CIPC: variants seen among roughly 807,000 people sequenced by gnomAD.
CIPC encodes CLOCK interacting pacemaker.
In CIPC, 12 loss-of-function variants were observed where a neutral mutation model predicts 26.7. The ratio of observed to expected loss-of-function variants is 0.45; its 90% CI spans 0.29 to 0.73. The LOEUF (loss-of-function observed/expected upper bound fraction) is 0.73. Among genes scored for constraint, CIPC ranks in the 30% least tolerant of loss-of-function variants. CIPC has a pLI of 0.12. For synonymous variants in CIPC, 170 were observed against 189.8 expected, an observed-to-expected ratio of 0.90 and a Z score of 0.86; for missense variants, 417 against 486.5, an observed-to-expected ratio of 0.86 and a Z score of 1.34.
chr14:77,109,191 C>G (rs945815261), intron 2 of CIPC, among the ~76,000 whole-genome samples: 1 of 152,150 alleles, frequency 6.6e-6, no homozygotes, highest in South Asian at 2.1e-4. Flanking sequence ...ATACACCTAC[C>G]ATGGAACCAG....
chr14:77,113,245 G>A, intron 3 of CIPC, 180 bp from the exon 4 acceptor site: 1 of 699,004 alleles, frequency 1.4e-6, no homozygotes, highest in Non-Finnish European at 2.5e-6. Flanking sequence ...CTTAGAAAAA[G>A]TTTAAAAAGT....
intron 1 of CIPC, among the ~76,000 whole-genome samples, chr14:77,102,762 G>A (rs575828400): frequency 2.9e-4 from 44 of 152,264 alleles, no homozygotes; most frequent in African/African-American, 9.9e-4. Flanking sequence ...TAAATCAACA[G>A]CCTGGTCCGA....
Position 77,114,441 on chromosome 14 carries a change from C to T in CIPC, c.*123C>T. 5 of 1,082,078 alleles carry T rather than the reference C, an allele frequency of 4.6e-6. No homozygotes were observed. Among genetic ancestry groups the T allele is most frequent in the Non-Finnish European group, 5.3e-6 (4 of 748,712 alleles). 67.0% of individuals were successfully genotyped at this position (1,082,078 alleles called of 1,614,324 possible). A position where few individuals can be genotyped will look rare whatever the true frequency, so the allele number is the denominator to read the frequency against. On this transcript the variant is annotated 3_prime_UTR_variant, in exon 4 of 4. Coordinates refer to ENST00000361786, the MANE Select transcript of CIPC (RefSeq NM_033426.3). ...TAAACTTAAACTGTGTTGTGGTTCACTTAGGAAGCCACGTGCCAATACCTG... is the reference window on the plus strand; with the variant it reads ...TAAACTTAAACTGTGTTGTGGTTCATTTAGGAAGCCACGTGCCAATACCTG...
Position 77,115,026 on chromosome 14 carries a change from T to G in CIPC, c.*708T>G, listed in dbSNP as rs1886782736. ...AGGTATGGAATGAATGCAGTACATC[T>G]GGAATTGTAGTCGATGAATTGCTTT... On this transcript the variant is annotated 3_prime_UTR_variant, in exon 4 of 4. Transcript: ENST00000361786. The G allele has an allele frequency of 6.6e-6, 1 of 152,252 alleles. No individual in the cohort carries two copies. 9.4% of individuals were successfully genotyped at this position (152,252 alleles called of 1,614,324 possible).
In CIPC at chr14:77,105,825, C is replaced by A; in HGVS notation, c.117C>A (p.Asp39Glu). ...RQLGMAAAES[D>E]KDSGFSDGSS... ...TTGGGATGGCTGCTGCTGAGTCAGA[C>A]AAGGACTCTGGCTTTTCAGGTTAAA... Residue 39 changes from aspartate to glutamate, a missense_variant, in exon 2 of 4, where the codon GAC becomes GAA. Asp to Glu is a conservative substitution (Grantham distance 45, BLOSUM62 2). Transcript: ENST00000361786. The A allele has an allele frequency of 6.2e-7, 1 of 1,614,122 alleles. No homozygotes were observed. Among genetic ancestry groups the A allele is most frequent in the South Asian group, 1.1e-5 (1 of 91,074 alleles).
intron 3 of CIPC, among the ~76,000 whole-genome samples, chr14:77,111,125 G>A (rs1333980372): frequency 6.6e-6 from 1 of 152,176 alleles, no homozygotes; most frequent in Non-Finnish European, 1.5e-5. Context: ...GCTTCTCCTG[G>A]GCTTCCTTTC....
chr14:77,114,471 C>A lies in CIPC; in HGVS notation c.*153C>A, dbSNP rs948158465. The A allele has an allele frequency of 8.0e-6, 6 of 751,666 alleles. No homozygotes were observed. Among genetic ancestry groups the A allele is most frequent in the Non-Finnish European group, 1.1e-5 (5 of 463,064 alleles). The allele number at this position is 751,666 out of a possible 1,614,324, so 46.6% of individuals were successfully genotyped here. A position where few individuals can be genotyped will look rare whatever the true frequency, so the allele number is the denominator to read the frequency against. ...GAAGCCACGTGCCAATACCTGGCTG[C>A]TGTCTTAACTCGTAGTCTGGGCACA... On this transcript the variant is annotated 3_prime_UTR_variant, in exon 4 of 4. Transcript: ENST00000361786.
intron 1 of CIPC, among the ~76,000 whole-genome samples, chr14:77,099,481 G>T (rs1886433846): frequency 1.3e-5 from 2 of 152,178 alleles, no homozygotes; most frequent in African/African-American, 4.8e-5. Context: ...CCCTGAATAT[G>T]CAGGCCAAAA....
chr14:77,112,714 G>T (rs2655993), intron 3 of CIPC, among the ~76,000 whole-genome samples: 28,833 of 149,250 alleles, frequency 0.19, 2,782 homozygotes, highest in East Asian at 0.2. Context: ...TTTTTTTGTT[G>T]TTGTTGTTGT....
In CIPC at chr14:77,116,847, G is replaced by A. The variant is rs1886821161; in HGVS notation, c.*2529G>A. Reference sequence around the variant, plus strand: ...CTCCATCGGTTGCCCAAGGCTGTAAGTAGTGATGGTTTTAGCGATGAATAA... The same window carrying A: ...CTCCATCGGTTGCCCAAGGCTGTAAATAGTGATGGTTTTAGCGATGAATAA... On this transcript the variant is annotated 3_prime_UTR_variant, in exon 4 of 4. Transcript: ENST00000361786. 1 of 152,242 alleles carries A rather than the reference G, an allele frequency of 6.6e-6. No individual in the cohort carries two copies. Among genetic ancestry groups the A allele is most frequent in the African/African-American group, 2.4e-5 (1 of 41,464 alleles). The allele number at this position is 152,242 out of a possible 1,614,324, so 9.4% of individuals were successfully genotyped here.
chr14:77,102,091 AAAAAC>A (rs150720576), intron 1 of CIPC, among the ~76,000 whole-genome samples: 61,976 of 151,442 alleles, frequency 0.41, 13,333 homozygotes, highest in East Asian at 0.62. Flanking sequence ...TCTATAAATA[AAAAAC>A]AAAACAAAAA....
chr14:77,102,639 A>G (rs941807130), intron 1 of CIPC, among the ~76,000 whole-genome samples: 4 of 152,228 alleles, frequency 2.6e-5, no homozygotes, highest in African/African-American at 9.6e-5. Flanking sequence ...TGCATTATCT[A>G]AAGTACCTGT....
intron 1 of CIPC, among the ~76,000 whole-genome samples, chr14:77,102,697 G>A (rs1886514042): frequency 6.6e-6 from 1 of 152,102 alleles, no homozygotes; most frequent in Non-Finnish European, 1.5e-5. Context: ...AAGAACCTAA[G>A]AACCTAAGTA....
At chr14:77,101,881 G>A (rs1159766662) in intron 1 of CIPC, among the ~76,000 whole-genome samples, 1 of 152,062 alleles carries the variant, frequency 6.6e-6, no homozygotes, top group East Asian at 1.9e-4. Context: ...AGTCCAGGAG[G>A]TTGAGACCAG....
chr14:77,109,421 A>C (rs751523216), intron 2 of CIPC, among the ~76,000 whole-genome samples: 46 of 152,138 alleles, frequency 3.0e-4, no homozygotes, highest in Non-Finnish European at 1.5e-4. Flanking sequence ...GAAGGTCTTA[A>C]TCCTACCTTG....
chr14:77,103,636 C>T (rs1370457018), intron 1 of CIPC, among the ~76,000 whole-genome samples: 4 of 152,156 alleles, frequency 2.6e-5, no homozygotes, highest in Admixed American at 2.6e-4. Flanking sequence ...TATTCTCAGC[C>T]AGCAATTTGA....
At chr14:77,110,117 T>C (rs1886665383) in intron 3 of CIPC, 136 bp downstream of exon 3, 1 of 788,270 alleles carries the variant, frequency 1.3e-6, no homozygotes, top group Non-Finnish European at 2.0e-6. Context: ...AATGTGTACT[T>C]TCTGTCCTGG....
chr14:77,114,017 G>A lies in CIPC; in HGVS notation c.899G>A (p.Cys300Tyr). ...SSPLWAAEHLCRSPDIFSEQR... is the reference protein window; with the variant it reads ...SSPLWAAEHLYRSPDIFSEQR... Reference sequence around the variant, plus strand: ...CCTTTATGGGCTGCAGAGCACCTCTGCCGCAGCCCAGATATCTTTTCAGAG... The same window carrying A: ...CCTTTATGGGCTGCAGAGCACCTCTACCGCAGCCCAGATATCTTTTCAGAG... Residue 300 changes from cysteine (C) to tyrosine (Y), a missense_variant, in exon 4 of 4, where the codon TGC becomes TAC. By Grantham distance (194) the Cys-to-Tyr change is radical. Transcript: ENST00000361786. The A allele has an allele frequency of 6.2e-7, 1 of 1,614,238 alleles. No individual in the cohort carries two copies. The highest frequency in any genetic ancestry group is 8.5e-7 in the Non-Finnish European group (1 of 1,180,050).
chr14:77,101,641 G>A (rs1347034132), intron 1 of CIPC, among the ~76,000 whole-genome samples: 1 of 152,168 alleles, frequency 6.6e-6, no homozygotes, highest in Non-Finnish European at 1.5e-5. Flanking sequence ...GTTAACAAGA[G>A]AAAAACATAA....
Sources: gnomAD v4.1 joint callset for allele counts (sites outside exome capture counted in the v4.1 genomes callset) on GRCh38, gnomAD v4.1.1 for gene constraint, MANE v1.5 for transcripts, NCBI Gene and HGNC (gene_info 2026-07-23, HGNC 2026-07-21) for gene names.